Variants in TLE4 observed in about 807,000 individuals in gnomAD.
TLE4 encodes TLE family member 4, transcriptional corepressor.
In TLE4, 8 loss-of-function variants were observed where a neutral mutation model predicts 92.8. The ratio of observed to expected loss-of-function variants is 0.09; its 90% CI spans 0.05 to 0.16. The LOEUF is 0.16. Ranked by LOEUF, TLE4 falls within the 10% of genes least tolerant of loss-of-function variation. TLE4 has a pLI of 1.00. For synonymous variants in TLE4, 371 were observed against 374.1 expected (o/e 0.99, Z 0.10); for missense variants, 675 against 997.6 (o/e 0.68, Z 4.36).
chr9:79,627,728 T>C (rs1039014185), intron 6 of TLE4: 9 of 390,742 alleles, frequency 2.3e-5, no homozygotes, highest in Non-Finnish European at 3.7e-5. Flanking sequence ...CAGCTTGTGT[T>C]GCTAACCTAG....
At position 79,598,109 on chromosome 9, in the gene TLE4, C is replaced by T. The variant is rs1279221234; in HGVS notation, c.253-14547C>T. Among the ~76,000 whole-genome samples the T allele has an allele frequency of 6.1e-5, 9 of 148,754 alleles. 1 individual carries two copies. Among genetic ancestry groups the T allele is most frequent in the Non-Finnish European group, 1.0e-4 (7 of 67,388 alleles). ...AAAAAAAAAAAAAAACTTACCCAGG[C>T]GTGGTGGCATGTGCCTGTAATCTCA... On this transcript the variant is annotated intron_variant, in intron 4 of 19. Coordinates refer to ENST00000376552, the MANE Select transcript of TLE4 (RefSeq NM_007005.6).
chr9:79,660,639 G>T (rs986197306), intron 8 of TLE4, among the ~76,000 whole-genome samples: 7 of 152,150 alleles, frequency 4.6e-5, no homozygotes, highest in African/African-American at 1.4e-4. Flanking sequence ...AAGAAGTTTT[G>T]TTCTATGAAT....
intron 4 of TLE4, among the ~76,000 whole-genome samples, chr9:79,612,137 T>G (rs1359459756): frequency 1.3e-5 from 2 of 152,030 alleles, no homozygotes; most frequent in Admixed American, 1.3e-4. Flanking sequence ...TAGCCAACTT[T>G]TTTGGGTTGT....
Position 79,726,453 on chromosome 9 carries a change from AAGT to A in TLE4, c.*1312_*1314del, listed in dbSNP as rs1270446038. ...ACCGTGTAGATATACTTTATTGTAT[AAGT>A]AGAAAATTACTTAATTTCATACTAG... On this transcript the variant is annotated 3_prime_UTR_variant, in exon 20 of 20. Transcript: ENST00000376552. The A allele has an allele frequency of 1.3e-5, 2 of 152,586 alleles. No homozygotes were observed. Among genetic ancestry groups the A allele is most frequent in the Non-Finnish European group, 2.9e-5 (2 of 68,036 alleles). 9.5% of individuals were successfully genotyped at this position (152,586 alleles called of 1,614,324 possible).
intron 4 of TLE4, among the ~76,000 whole-genome samples, chr9:79,585,662 A>AT (rs35658870): frequency 0.46 from 69,532 of 150,160 alleles, 18,204 homozygotes; most frequent in African/African-American, 0.73. Context: ...CAGAAATTGA[A>AT]TTTTTTTTTT....
chr9:79,678,516 G>GA (rs1051382058), intron 8 of TLE4, among the ~76,000 whole-genome samples: 6 of 151,446 alleles, frequency 4.0e-5, no homozygotes, highest in Non-Finnish European at 4.4e-5. Flanking sequence ...CTGTATCTGA[G>GA]AAAAAACAAT....
At chr9:79,658,875 C>T (rs1028186592) in intron 8 of TLE4, among the ~76,000 whole-genome samples, 3 of 152,140 alleles carry the variant, frequency 2.0e-5, no homozygotes, top group Non-Finnish European at 4.4e-5. Context: ...GCAAACAAAA[C>T]AGTCATGGAC....
At chr9:79,630,507 A>G (rs780638486) in intron 6 of TLE4, among the ~76,000 whole-genome samples, 14 of 152,138 alleles carry the variant, frequency 9.2e-5, no homozygotes, top group Non-Finnish European at 1.8e-4. Flanking sequence ...AATTGGTGAT[A>G]TTACACATTT....
chr9:79,644,541 T>C (rs1023112299), intron 6 of TLE4, among the ~76,000 whole-genome samples: 65 of 152,174 alleles, frequency 4.3e-4, no homozygotes, highest in African/African-American at 1.5e-3. Flanking sequence ...AAACAGGTAA[T>C]AAGGATTCCA....
chr9:79,671,395 T>G, intron 8 of TLE4: 1 of 374,540 alleles, frequency 2.7e-6, no homozygotes, highest in Non-Finnish European at 5.6e-6. Context: ...AGGACTGTGA[T>G]CTCACAGTTT....
intron 6 of TLE4, chr9:79,649,917 TTTTTTG>T: frequency 6.1e-6 from 8 of 1,320,474 alleles, no homozygotes; most frequent in Middle Eastern, 2.2e-4. Flanking sequence ...TTGTTTTTTG[TTTTTTG>T]TTTTTTTTTT....
chr9:79,601,566 G>A, intron 4 of TLE4: 1 of 438,646 alleles, frequency 2.3e-6, no homozygotes. Flanking sequence ...TACATGATTT[G>A]TGGTTAGTGA....
intron 13 of TLE4, 44 bp downstream of exon 13, chr9:79,708,830 A>G: frequency 6.4e-7 from 1 of 1,556,892 alleles, no homozygotes; most frequent in African/African-American, 1.4e-5. Flanking sequence ...CACACGGAGG[A>G]TTGTCATGCT....
intron 6 of TLE4, among the ~76,000 whole-genome samples, chr9:79,647,115 G>A (rs2058220409): frequency 6.6e-6 from 1 of 152,088 alleles, no homozygotes; most frequent in African/African-American, 2.4e-5. Context: ...TGACATTAGT[G>A]GAACAACTAC....
At position 79,678,751 on chromosome 9, in the gene TLE4, C is replaced by T. The variant is rs142406526; in HGVS notation, c.609+24676C>T. Among the ~76,000 whole-genome samples, 241 of 151,888 alleles carry T rather than the reference C, an allele frequency of 1.6e-3. 3 individuals are homozygous for T. The East Asian group carries it at 0.042, about 26-fold the overall frequency. ...TCGTCATTTATCATTAGGTATATGT[C>T]CTAATGCTATCCCTCCCCCCTGCCC... On this transcript the variant is annotated intron_variant, in intron 8 of 19. Transcript: ENST00000376552.
chr9:79,672,621 G>A (rs2062603159), intron 8 of TLE4, among the ~76,000 whole-genome samples: 1 of 152,166 alleles, frequency 6.6e-6, no homozygotes, highest in Non-Finnish European at 1.5e-5. Context: ...AAAGGCCCAA[G>A]AAGCCTTTGT....
intron 5 of TLE4, among the ~76,000 whole-genome samples, chr9:79,623,292 G>A (rs1208959106): frequency 6.6e-6 from 1 of 151,774 alleles, no homozygotes; most frequent in African/African-American, 2.4e-5. Flanking sequence ...TAAAACATTG[G>A]CATGACAGGT....
rs1291788325 is a variant in TLE4, at chr9:79,640,134, A to G, written c.391-12459A>G. 3.3e-5 allele frequency among the ~76,000 whole-genome samples: 5 copies of G among 152,264 alleles called. No homozygotes were observed. In the East Asian group the frequency reaches 9.7e-4, roughly 30 times the overall value. On this transcript the variant is annotated intron_variant, in intron 6 of 19. Transcript: ENST00000376552. ...CTGGAAATTTGGAACATAAGTAACTAGGTAGATAGTTGTACCATTTACTCA... is the reference window on the plus strand; with the variant it reads ...CTGGAAATTTGGAACATAAGTAACTGGGTAGATAGTTGTACCATTTACTCA...
chr9:79,718,708 C>T lies in TLE4; in HGVS notation c.1341-14C>T, dbSNP rs915925340. On this transcript the variant is annotated splice_polypyrimidine_tract_variant and intron_variant, in intron 14 of 19. Transcript: ENST00000376552. ...TACATTCCCCTCTTTCTTTTTTCCT[C>T]TCCATTGCCTTAGAGCATACTCCTT... 8.8e-6 allele frequency: 14 copies of T among 1,594,820 alleles called. No homozygotes were observed. The highest frequency in any genetic ancestry group is 1.7e-4 in the Middle Eastern group (1 of 5,976).
Sources: allele counts gnomAD v4.1 joint callset (sites outside exome capture counted in the v4.1 genomes callset), GRCh38; gene constraint gnomAD v4.1.1; transcripts MANE v1.5; gene names NCBI Gene and HGNC (gene_info 2026-07-23, HGNC 2026-07-21).